Variants in NMBR observed in about 807,000 individuals in gnomAD.
NMBR encodes neuromedin B receptor, also known as neuromedin-B receptor.
NMBR carries 16 observed loss-of-function variants against 20.5 expected under a neutral mutation model. The ratio of observed to expected loss-of-function variants is 0.78; its 90% CI spans 0.53 to 1.19. The LOEUF is 1.19. Ranked by LOEUF, NMBR falls within the 50% of genes most tolerant of loss-of-function variation. The pLI, the probability that NMBR is intolerant of heterozygous loss-of-function variation, is 0.00. For missense variants in NMBR, 582 were observed against 499.1 expected, an observed-to-expected ratio of 1.17 and a Z score of -1.58; for synonymous variants, 212 against 196.6, an observed-to-expected ratio of 1.08 and a Z score of -0.65.
chr6:142,141,450 T>C (rs192400951), intron 1 of NMBR, among the ~76,000 whole-genome samples: 155 of 152,154 alleles, frequency 1.0e-3, no homozygotes, highest in African/African-American at 3.7e-3. Flanking sequence ...AATATTATGT[T>C]AGAAAAGAAG....
intron 1 of NMBR, among the ~76,000 whole-genome samples, chr6:142,133,536 G>A (rs1291680343): frequency 1.3e-5 from 2 of 152,076 alleles, no homozygotes; most frequent in Admixed American, 6.6e-5. Context: ...TCAAAAAGAA[G>A]TATTAGATAT....
chr6:142,078,575 T>C lies in NMBR; in HGVS notation c.751A>G (p.Asn251Asp), dbSNP rs1777001303. ...CTTACCTGTTTTTTGGTATGTTCATTGTATTCTCCAGGAAGATTGTGTGCG... is the reference window on the plus strand; with the variant it reads ...CTTACCTGTTTTTTGGTATGTTCATCGTATTCTCCAGGAAGATTGTGTGCG... ...KSAHNLPGEY[N>D]EHTKKQMETR... Residue 251 changes from asparagine (N) to aspartate (D), a missense_variant, in exon 3 of 4, where the codon AAT becomes GAT. Coordinates refer to ENST00000258042, the MANE Select transcript of NMBR (RefSeq NM_002511.4). 1 of 1,599,124 alleles carries C rather than the reference T, an allele frequency of 6.3e-7. No individual in the cohort carries two copies. Among genetic ancestry groups the C allele is most frequent in the Admixed American group, 1.7e-5 (1 of 59,360 alleles).
At position 142,135,548 on chromosome 6, in the gene NMBR, GGTTA is replaced by G. The variant is rs560180786; in HGVS notation, c.-664+11492_-664+11495del. Among the ~76,000 whole-genome samples the G allele has an allele frequency of 2.1e-3, 313 of 151,598 alleles. 2 individuals are homozygous for G. The highest frequency in any genetic ancestry group is 6.8e-3 in the African/African-American group (281 of 41,302). On this transcript the variant is annotated intron_variant, in intron 1 of 3. Coordinates refer to ENST00000258042, the MANE Select transcript of NMBR (RefSeq NM_002511.4). ...TTAGGGTACATGTGCACAATGTGCAGGTTAGTTACATATGTATACATGTGCCATG... is the reference window on the plus strand; with the variant it reads ...TTAGGGTACATGTGCACAATGTGCAGGTTACATATGTATACATGTGCCATG...
At chr6:142,105,309 T>C (rs999890827) in intron 1 of NMBR, among the ~76,000 whole-genome samples, 1 of 152,186 alleles carries the variant, frequency 6.6e-6, no homozygotes, top group Non-Finnish European at 1.5e-5. Flanking sequence ...TCACAGGCGA[T>C]ATGATGGCTT....
intron 1 of NMBR, among the ~76,000 whole-genome samples, chr6:142,137,321 C>A (rs978007464): frequency 7.9e-5 from 12 of 152,064 alleles, no homozygotes; most frequent in Admixed American, 1.3e-4. Context: ...TCTACGAATG[C>A]TTGTGATTTT....
Position 142,088,693 on chromosome 6 carries a change from A to G in NMBR, c.-35T>C, listed in dbSNP as rs776976405. 6.4e-7 allele frequency: 1 copy of G among 1,569,456 alleles called. No homozygotes were observed. The highest frequency in any genetic ancestry group is 1.1e-5 in the South Asian group (1 of 87,698). On this transcript the variant is annotated 5_prime_UTR_variant, in exon 2 of 4. Transcript: ENST00000258042. ...TCCAGCAGAGTCCGCTGGAGTTTTC[A>G]CGCGCTCCGGTGCCCTGAGGACTGA... is the stretch of plus-strand genomic sequence containing the variant.
intron 1 of NMBR, among the ~76,000 whole-genome samples, chr6:142,144,874 AAT>A (rs1224447465): frequency 6.6e-6 from 1 of 152,030 alleles, no homozygotes; most frequent in African/African-American, 2.4e-5. Context: ...ACAAAATAAT[AAT>A]AATTAGCCAT....
chr6:142,115,749 T>A (rs1777842013), intron 1 of NMBR, among the ~76,000 whole-genome samples: 1 of 152,140 alleles, frequency 6.6e-6, no homozygotes, highest in Non-Finnish European at 1.5e-5. Flanking sequence ...TGTTTGCTCC[T>A]GTGGTCATCA....
chr6:142,097,724 A>G (rs1582845760), intron 1 of NMBR, among the ~76,000 whole-genome samples: 1 of 152,264 alleles, frequency 6.6e-6, no homozygotes, highest in East Asian at 1.9e-4. Flanking sequence ...AAATAAGGAC[A>G]AAAATCAGTT....
At chr6:142,128,976 AT>A (rs1778090962) in intron 1 of NMBR, among the ~76,000 whole-genome samples, 1 of 77,640 alleles carries the variant, frequency 1.3e-5, no homozygotes, top group African/African-American at 3.4e-5. Context: ...AAACTATTAA[AT>A]TAGACCAGAT....
chr6:142,101,991 A>G (rs1777572881), intron 1 of NMBR, among the ~76,000 whole-genome samples: 1 of 152,180 alleles, frequency 6.6e-6, no homozygotes, highest in Non-Finnish European at 1.5e-5. Context: ...GACTACTATT[A>G]AGACTATCAG....
intron 1 of NMBR, chr6:142,134,609 A>G (rs1174330436): frequency 1.5e-6 from 1 of 672,740 alleles, no homozygotes; most frequent in Non-Finnish European, 2.7e-6. Flanking sequence ...AAAAGCATCA[A>G]TCAAGAATGC....
At chr6:142,111,653 G>A (rs1462346211) in intron 1 of NMBR, among the ~76,000 whole-genome samples, 5 of 152,174 alleles carry the variant, frequency 3.3e-5, no homozygotes, top group Non-Finnish European at 7.3e-5. Context: ...ACATAGAACT[G>A]AGATGAGATT....
chr6:142,096,477 T>C (rs571979044), intron 1 of NMBR, among the ~76,000 whole-genome samples: 2 of 151,890 alleles, frequency 1.3e-5, no homozygotes, highest in African/African-American at 2.4e-5. Flanking sequence ...TGTAGTTGAG[T>C]GGTTTTGAGT....
chr6:142,087,096 GT>G (rs1272236121), intron 2 of NMBR, among the ~76,000 whole-genome samples: 3 of 152,166 alleles, frequency 2.0e-5, no homozygotes, highest in Non-Finnish European at 4.4e-5. Flanking sequence ...CAGGAGTGTG[GT>G]TTTTAAGAAA....
At chr6:142,102,437 T>C (rs553741322) in intron 1 of NMBR, among the ~76,000 whole-genome samples, 7 of 151,924 alleles carry the variant, frequency 4.6e-5, no homozygotes, top group African/African-American at 1.7e-4. Flanking sequence ...AGCAGCCTGT[T>C]CATTGATCCC....
At chr6:142,146,388 G>A (rs973442989) in intron 1 of NMBR, among the ~76,000 whole-genome samples, 20 of 152,178 alleles carry the variant, frequency 1.3e-4, no homozygotes, top group African/African-American at 4.8e-4. Context: ...AAATAAAGAA[G>A]GTTATTGGAG....
chr6:142,110,957 T>C (rs1230535517), intron 1 of NMBR, among the ~76,000 whole-genome samples: 1 of 152,092 alleles, frequency 6.6e-6, no homozygotes, highest in Non-Finnish European at 1.5e-5. Flanking sequence ...TAAGACATAC[T>C]GGCTGCGTGC....
chr6:142,117,167 A>G (rs1777870291), intron 1 of NMBR, among the ~76,000 whole-genome samples: 1 of 151,936 alleles, frequency 6.6e-6, no homozygotes, highest in African/African-American at 2.4e-5. Context: ...TGAAAAGTAT[A>G]TAGCCCAAAC....
Sources: allele counts gnomAD v4.1 joint callset (sites outside exome capture counted in the v4.1 genomes callset), GRCh38; gene constraint gnomAD v4.1.1; transcripts MANE v1.5; gene names NCBI Gene and HGNC (gene_info 2026-07-23, HGNC 2026-07-21).